The following STK33 variants were observed in gnomAD, a reference collection of about 807,000 sequenced individuals.
STK33 encodes serine/threonine-protein kinase 33.
A neutral mutation model predicts 58.0 loss-of-function variants in STK33; 52 were observed. The observed-to-expected ratio is 0.90, with a 90% CI of 0.72 to 1.13. The LOEUF (loss-of-function observed/expected upper bound fraction) is 1.13. Among genes scored for constraint, STK33 ranks in the 50% most tolerant of loss-of-function variants. The probability of loss-of-function intolerance (pLI) is 0.00; values close to 1 mark genes in which losing one functional copy is unlikely to be tolerated. For synonymous variants in STK33, 215 were observed against 200.1 expected, an observed-to-expected ratio of 1.07 and a Z score of -0.63; for missense variants, 630 against 604.2, an observed-to-expected ratio of 1.04 and a Z score of -0.45.
chr11:8,455,846 A>C (rs535246947), intron 9 of STK33, among the ~76,000 whole-genome samples: 1 of 150,332 alleles, frequency 6.7e-6, no homozygotes, highest in African/African-American at 2.4e-5. Flanking sequence ...AGTTACACAC[A>C]TAATTGCTAG....
At chr11:8,411,698 A>C (rs1421462882) in intron 15 of STK33, among the ~76,000 whole-genome samples, 1 of 152,154 alleles carries the variant, frequency 6.6e-6, no homozygotes, top group Non-Finnish European at 1.5e-5. Flanking sequence ...ACTTCCAATG[A>C]TGGGGAGGTG....
At chr11:8,448,687 A>G (rs997188818) in intron 11 of STK33, among the ~76,000 whole-genome samples, 44 of 152,188 alleles carry the variant, frequency 2.9e-4, no homozygotes, top group Admixed American at 9.8e-4. Flanking sequence ...ACCCTAGAAG[A>G]AAACCTAGGC....
At chr11:8,414,340 G>A (rs1014176648) in intron 14 of STK33, among the ~76,000 whole-genome samples, 1 of 152,076 alleles carries the variant, frequency 6.6e-6, no homozygotes, top group African/African-American at 2.4e-5. Flanking sequence ...CATGTAATGT[G>A]CCAAGAAATA....
chr11:8,423,460 A>T (rs1313496285), intron 14 of STK33, among the ~76,000 whole-genome samples: 1 of 151,730 alleles, frequency 6.6e-6, no homozygotes, highest in African/African-American at 2.4e-5. Flanking sequence ...AGGAATTTAA[A>T]TTTTTTCTTA....
chr11:8,546,249 CTAAATT>C (rs1955903434), intron 1 of STK33, among the ~76,000 whole-genome samples: 1 of 152,120 alleles, frequency 6.6e-6, no homozygotes, highest in Non-Finnish European at 1.5e-5. Flanking sequence ...TTAGGCTACA[CTAAATT>C]TATTTTTAAA....
chr11:8,373,062 T>G, the STK33 span, among the ~76,000 whole-genome samples: 2 of 152,166 alleles, frequency 1.3e-5, no homozygotes, highest in Non-Finnish European at 2.9e-5. Context: ...GCTGCTAACC[T>G]CAGGTGGGCT....
intron 1 of STK33, among the ~76,000 whole-genome samples, chr11:8,548,120 C>A (rs1956069988): frequency 6.6e-6 from 1 of 151,648 alleles, no homozygotes; most frequent in African/African-American, 2.4e-5. Flanking sequence ...ATGTAACAAA[C>A]CTGCACGTTG....
chr11:8,473,020 T>C (rs988830687), intron 6 of STK33, 143 bp downstream of exon 6: 4 of 554,386 alleles, frequency 7.2e-6, no homozygotes, highest in Non-Finnish European at 9.6e-6. Flanking sequence ...TTAGTAAAAA[T>C]GTTAACATAC....
rs1269567593 is a variant in STK33, at chr11:8,461,924, A to G, written c.454-15T>C. 13 of 1,556,074 alleles carry G rather than the reference A, an allele frequency of 8.4e-6. No homozygotes were observed. The highest frequency in any genetic ancestry group is 1.0e-5 in the Non-Finnish European group (12 of 1,153,262). ...GAGCTTCCAGCCTTAATCAATGAAG[A>G]AACACAGATTTCACATAATGAAAAT... On this transcript the variant is annotated splice_polypyrimidine_tract_variant and intron_variant, in intron 7 of 15. Coordinates refer to ENST00000687296, the MANE Select transcript of STK33 (RefSeq NM_001352389.2).
chr11:8,368,626 A>C, the STK33 span, among the ~76,000 whole-genome samples: 39 of 152,212 alleles, frequency 2.6e-4, no homozygotes, highest in African/African-American at 9.2e-4. Flanking sequence ...ATCCATCTCT[A>C]ATTAACCCCT....
intron 1 of STK33, among the ~76,000 whole-genome samples, chr11:8,513,032 T>C (rs1340504381): frequency 6.6e-6 from 1 of 152,216 alleles, no homozygotes; most frequent in East Asian, 1.9e-4. Flanking sequence ...TATTCCTTCA[T>C]TCTACAAATG....
rs551423257 is a variant in STK33, at chr11:8,504,920, C to T, written c.-465-24306G>A. On this transcript the variant is annotated intron_variant, in intron 1 of 15. Transcript: ENST00000687296. ...CATCACAGTTTATGCTGCAATCTTG[C>T]GGTTCTTTGTGCCTACTGCATTTGT... Among the ~76,000 whole-genome samples, 15 of 152,272 alleles carry T rather than the reference C, an allele frequency of 9.9e-5. No homozygotes were observed. The East Asian group carries it at 2.1e-3, about 22-fold the overall frequency.
At chr11:8,593,421 T>A (rs1421146778) in intron 1 of STK33, among the ~76,000 whole-genome samples, 1 of 152,218 alleles carries the variant, frequency 6.6e-6, no homozygotes, top group African/African-American at 2.4e-5. Context: ...TATCCCTTAC[T>A]AACGCTCAAG....
chr11:8,497,131 C>CA lies in STK33; in HGVS notation c.-465-16518dup, dbSNP rs1213333777. On this transcript the variant is annotated intron_variant, in intron 1 of 15. Coordinates refer to ENST00000687296, the MANE Select transcript of STK33 (RefSeq NM_001352389.2). ...CACCTGTGGGATACCATCAATGTAT[C>CA]AACATATGCATAACCCAAGGGAGAG... 7.2e-5 allele frequency among the ~76,000 whole-genome samples: 11 copies of CA among 151,980 alleles called. No individual in the cohort carries two copies. In the South Asian group the frequency reaches 1.5e-3, roughly 20 times the overall value.
At chr11:8,478,554 T>A (rs1949496612) in intron 2 of STK33, among the ~76,000 whole-genome samples, 2 of 152,172 alleles carry the variant, frequency 1.3e-5, no homozygotes, top group Admixed American at 1.3e-4. Context: ...AAAGGTCTTT[T>A]ACATATTGGC....
intron 9 of STK33, among the ~76,000 whole-genome samples, chr11:8,455,511 T>A (rs183977183): frequency 2.6e-5 from 4 of 152,170 alleles, no homozygotes; most frequent in Non-Finnish European, 4.4e-5. Context: ...TTCCCTAGAC[T>A]TAAAAAGTTA....
intron 1 of STK33, among the ~76,000 whole-genome samples, chr11:8,507,072 A>C (rs944954927): frequency 6.6e-6 from 1 of 152,196 alleles, no homozygotes; most frequent in African/African-American, 2.4e-5. Context: ...TCAAAATATT[A>C]AGTAAAAATG....
intron 14 of STK33, among the ~76,000 whole-genome samples, chr11:8,416,526 T>C (rs1052255121): frequency 3.3e-5 from 5 of 152,194 alleles, no homozygotes; most frequent in Admixed American, 6.5e-5. Flanking sequence ...ACATTGATTA[T>C]TGAGATCATT....
At chr11:8,339,095 T>TG in the STK33 span, among the ~76,000 whole-genome samples, 2 of 152,114 alleles carry the variant, frequency 1.3e-5, no homozygotes, top group Non-Finnish European at 2.9e-5. Context: ...AGGAATTCTT[T>TG]GGGGGAAAGT....
Sources: gnomAD v4.1 joint callset for allele counts (sites outside exome capture counted in the v4.1 genomes callset) on GRCh38, gnomAD v4.1.1 for gene constraint, MANE v1.5 for transcripts, NCBI Gene and HGNC (gene_info 2026-07-23, HGNC 2026-07-21) for gene names.